The following KCTD16 variants were observed in gnomAD, a reference collection of about 807,000 sequenced individuals.
KCTD16 encodes potassium channel tetramerization domain containing 16, also known as BTB/POZ domain-containing protein KCTD16.
KCTD16 carries 13 observed loss-of-function variants against 33.2 expected under a neutral mutation model. The ratio of observed to expected loss-of-function variants is 0.39; its 90% CI spans 0.25 to 0.62. The LOEUF (loss-of-function observed/expected upper bound fraction) is 0.62. Among genes scored for constraint, KCTD16 ranks in the 20% least tolerant of loss-of-function variants. The pLI is 0.50. For synonymous variants in KCTD16, 197 were observed against 195.3 expected (o/e 1.01, Z -0.07); for missense variants, 441 against 525.1 (o/e 0.84, Z 1.57).
chr5:144,348,453 T>C (rs1488204440), intron 3 of KCTD16, among the ~76,000 whole-genome samples: 1 of 152,230 alleles, frequency 6.6e-6, no homozygotes, highest in Non-Finnish European at 1.5e-5. Flanking sequence ...TGTCTGACTT[T>C]GAATTCAATG....
intron 3 of KCTD16, among the ~76,000 whole-genome samples, chr5:144,225,029 C>G (rs1753887315): frequency 6.6e-6 from 1 of 152,116 alleles, no homozygotes; most frequent in Non-Finnish European, 1.5e-5. Context: ...AAGCAGAATT[C>G]AAACCCCAAT....
intron 2 of KCTD16, among the ~76,000 whole-genome samples, chr5:144,188,768 G>T (rs1752781081): frequency 6.6e-6 from 1 of 152,200 alleles, no homozygotes; most frequent in Admixed American, 6.5e-5. Flanking sequence ...TGAGAGGTCA[G>T]CTTGAAAACA....
intron 3 of KCTD16, among the ~76,000 whole-genome samples, chr5:144,290,620 C>T (rs780921620): frequency 7.2e-5 from 11 of 152,140 alleles, no homozygotes; most frequent in Non-Finnish European, 1.0e-4. Flanking sequence ...ATCTTTCCTT[C>T]GGAGCATCCA....
rs376426438 is a variant in KCTD16, at chr5:144,474,137, GAAAA to G, written c.*30_*33del. On this transcript the variant is annotated 3_prime_UTR_variant, in exon 4 of 4. Transcript: ENST00000512467. The stretch of plus-strand genomic sequence containing the variant: ...TAAGGGAGGGCTGGGGGCGGGAAAA[GAAAA>G]AAAAAAGTCATTTTGAAATTAACCT... 1 of 1,329,080 alleles carries G rather than the reference GAAAA, an allele frequency of 7.5e-7. No homozygotes were observed. Among genetic ancestry groups the G allele is most frequent in the Non-Finnish European group, 1.0e-6 (1 of 989,540 alleles). 82.3% of individuals were successfully genotyped at this position (1,329,080 alleles called of 1,614,324 possible).
At chr5:144,231,621 CA>C (rs972828763) in intron 3 of KCTD16, among the ~76,000 whole-genome samples, 10 of 152,224 alleles carry the variant, frequency 6.6e-5, no homozygotes, top group African/African-American at 2.2e-4. Context: ...CCCCATGTAT[CA>C]GGGGCGGGAC....
At chr5:144,452,364 GGTGGCAGT>G (rs1193656890) in intron 3 of KCTD16, among the ~76,000 whole-genome samples, 1 of 151,754 alleles carries the variant, frequency 6.6e-6, no homozygotes, top group Non-Finnish European at 1.5e-5. Flanking sequence ...CTGACTCAAA[GGTGGCAGT>G]TATAACACAA....
intron 3 of KCTD16, among the ~76,000 whole-genome samples, chr5:144,361,968 GT>G (rs1751725975): frequency 6.6e-6 from 1 of 150,714 alleles, no homozygotes; most frequent in Non-Finnish European, 1.5e-5. Flanking sequence ...TCTAGCACTT[GT>G]TTCTGGGGAA....
At chr5:144,344,404 AGAGT>A (rs1342524281) in intron 3 of KCTD16, among the ~76,000 whole-genome samples, 1 of 142,760 alleles carries the variant, frequency 7.0e-6, no homozygotes, top group Admixed American at 7.0e-5. Context: ...AACTACCATC[AGAGT>A]GAACAGGCAA....
At chr5:144,361,661 A>G (rs1751715935) in intron 3 of KCTD16, among the ~76,000 whole-genome samples, 1 of 152,224 alleles carries the variant, frequency 6.6e-6, no homozygotes, top group Non-Finnish European at 1.5e-5. Context: ...AAAAGACTGT[A>G]TGACAAGTGC....
chr5:144,261,205 T>C (rs971376586), intron 3 of KCTD16, among the ~76,000 whole-genome samples: 1 of 146,632 alleles, frequency 6.8e-6, no homozygotes, highest in African/African-American at 2.5e-5. Flanking sequence ...AAAGGAACAG[T>C]TGTAGAGGGA....
intron 3 of KCTD16, among the ~76,000 whole-genome samples, chr5:144,281,855 T>G (rs1755617738): frequency 6.6e-6 from 1 of 152,232 alleles, no homozygotes; most frequent in Non-Finnish European, 1.5e-5. Flanking sequence ...GCTTCATGTA[T>G]TTTGAATATC....
chr5:144,185,497 G>A (rs1242394905), intron 2 of KCTD16, among the ~76,000 whole-genome samples: 8 of 151,978 alleles, frequency 5.3e-5, no homozygotes, highest in Non-Finnish European at 1.2e-4. Flanking sequence ...TTTGGCTCTG[G>A]TTGAGCTTCA....
chr5:144,257,899 C>G (rs1271461335), intron 3 of KCTD16, among the ~76,000 whole-genome samples: 1 of 152,156 alleles, frequency 6.6e-6, no homozygotes, highest in Non-Finnish European at 1.5e-5. Flanking sequence ...CCACCAAGCT[C>G]TAAGAGTTCA....
intron 3 of KCTD16, among the ~76,000 whole-genome samples, chr5:144,458,348 A>G (rs559025737): frequency 6.6e-6 from 1 of 152,272 alleles, no homozygotes; most frequent in Admixed American, 6.5e-5. Context: ...CAATTCTACC[A>G]GGCAAAACCA....
At chr5:144,176,426 C>G (rs1399597882) in intron 2 of KCTD16, among the ~76,000 whole-genome samples, 1 of 127,044 alleles carries the variant, frequency 7.9e-6, no homozygotes, top group Admixed American at 1.0e-4. Context: ...GACGGAGTCT[C>G]GCTCTGTCGC....
At chr5:144,322,752 T>G (rs768533215) in intron 3 of KCTD16, among the ~76,000 whole-genome samples, 2 of 151,756 alleles carry the variant, frequency 1.3e-5, no homozygotes, top group Non-Finnish European at 2.9e-5. Flanking sequence ...CAAAAACTTC[T>G]GAACTCATGA....
intron 3 of KCTD16, among the ~76,000 whole-genome samples, chr5:144,458,637 T>C (rs1248311381): frequency 6.6e-6 from 1 of 152,186 alleles, no homozygotes; most frequent in Non-Finnish European, 1.5e-5. Context: ...TGGGGTCCAA[T>C]AGAAATCTAT....
At chr5:144,462,895 G>A (rs573255451) in intron 3 of KCTD16, among the ~76,000 whole-genome samples, 1 of 152,280 alleles carries the variant, frequency 6.6e-6, no homozygotes, top group South Asian at 2.1e-4. Flanking sequence ...CCAACTTGAA[G>A]GGTGTTTTTC....
intron 3 of KCTD16, among the ~76,000 whole-genome samples, chr5:144,442,138 G>A (rs529665463): frequency 2.6e-5 from 4 of 152,182 alleles, no homozygotes; most frequent in African/African-American, 9.6e-5. Context: ...TTCATTGCTA[G>A]TAGTATTGGT....
Sources: gnomAD v4.1 joint callset for allele counts (sites outside exome capture counted in the v4.1 genomes callset) on GRCh38, gnomAD v4.1.1 for gene constraint, MANE v1.5 for transcripts, NCBI Gene and HGNC (gene_info 2026-07-23, HGNC 2026-07-21) for gene names.